The following DGKB variants were observed in gnomAD, a reference collection of about 807,000 sequenced individuals.
The protein encoded by DGKB is 90 kDa diacylglycerol kinase.
In DGKB, 67 loss-of-function variants were observed where a neutral mutation model predicts 114.3. The observed-to-expected ratio is 0.59, with a 90% confidence interval of 0.48 to 0.72. The LOEUF is 0.72. Among genes scored for constraint, DGKB ranks in the 30% least tolerant of loss-of-function variants. The pLI is 0.00. For synonymous variants in DGKB, 398 were observed against 323.1 expected, an observed-to-expected ratio of 1.23 and a Z score of -2.49; for missense variants, 907 against 975.2, an observed-to-expected ratio of 0.93 and a Z score of 0.93.
intron 21 of DGKB, among the ~76,000 whole-genome samples, chr7:14,396,431 T>A (rs148776085): frequency 3.3e-5 from 5 of 152,232 alleles, no homozygotes; most frequent in African/African-American, 1.2e-4. Flanking sequence ...TGGCTTACCA[T>A]CAGGGACTCC....
chr7:14,740,075 C>G (rs1832352265), intron 4 of DGKB, among the ~76,000 whole-genome samples: 1 of 152,204 alleles, frequency 6.6e-6, no homozygotes, highest in Non-Finnish European at 1.5e-5. Context: ...GGCTAGAGGC[C>G]CCGTGCAGAC....
intron 13 of DGKB, among the ~76,000 whole-genome samples, chr7:14,637,325 T>C (rs1042634205): frequency 6.6e-6 from 1 of 151,902 alleles, no homozygotes; most frequent in African/African-American, 2.4e-5. Context: ...TTATAAAACA[T>C]AGTTCTGGTA....
At chr7:14,498,544 G>T (rs1193501425) in intron 20 of DGKB, among the ~76,000 whole-genome samples, 4 of 151,698 alleles carry the variant, frequency 2.6e-5, no homozygotes, top group Non-Finnish European at 5.9e-5. Context: ...GAATTAAAAT[G>T]CAGGCATCCT....
At chr7:14,841,166 A>G (rs371260270) in intron 2 of DGKB, 28 bp downstream of exon 2, 396 of 1,565,520 alleles carry the variant, frequency 2.5e-4, no homozygotes, top group Non-Finnish European at 3.4e-4. Flanking sequence ...ATGTCAAATA[A>G]TCTCATAATA....
At chr7:14,578,017 C>G (rs1034849488) in intron 19 of DGKB, among the ~76,000 whole-genome samples, 3 of 152,156 alleles carry the variant, frequency 2.0e-5, no homozygotes, top group Non-Finnish European at 4.4e-5. Context: ...ATAATCCCCA[C>G]GTGTCAAGGG....
chr7:14,180,947 G>A (rs559481108), intron 23 of DGKB, among the ~76,000 whole-genome samples: 244 of 152,218 alleles, frequency 1.6e-3, no homozygotes, highest in African/African-American at 5.8e-3. Context: ...CTGGCTGCTG[G>A]CTTCATATTT....
intron 20 of DGKB, among the ~76,000 whole-genome samples, chr7:14,520,983 T>A (rs780882701): frequency 9.9e-5 from 15 of 152,106 alleles, no homozygotes; most frequent in African/African-American, 1.4e-4. Context: ...ACTATTCCTA[T>A]ATGAGAGGGG....
intron 23 of DGKB, among the ~76,000 whole-genome samples, chr7:14,183,181 G>T (rs1703182525): frequency 6.6e-6 from 1 of 152,148 alleles, no homozygotes; most frequent in Non-Finnish European, 1.5e-5. Flanking sequence ...TATGAAACAT[G>T]TCTGAGGACC....
chr7:14,185,793 G>T (rs981658930), intron 23 of DGKB, among the ~76,000 whole-genome samples: 1 of 152,160 alleles, frequency 6.6e-6, no homozygotes, highest in African/African-American at 2.4e-5. Context: ...AACAAATGGT[G>T]CTGGGATAAT....
At chr7:14,203,821 T>C (rs534923590) in intron 23 of DGKB, among the ~76,000 whole-genome samples, 3 of 152,094 alleles carry the variant, frequency 2.0e-5, no homozygotes, top group East Asian at 3.9e-4. Context: ...TTGGTGACCA[T>C]TGGAAGGATG....
intron 23 of DGKB, among the ~76,000 whole-genome samples, chr7:14,259,397 C>A (rs902420052): frequency 2.0e-5 from 2 of 98,488 alleles, no homozygotes; most frequent in African/African-American, 3.7e-5. Flanking sequence ...CTCTCTCTCT[C>A]TCTCTCTCTC....
intron 20 of DGKB, among the ~76,000 whole-genome samples, chr7:14,523,106 G>C (rs1790047730): frequency 6.6e-6 from 1 of 152,124 alleles, no homozygotes; most frequent in Non-Finnish European, 1.5e-5. Context: ...ATAACAGGAA[G>C]CTGTGAACCA....
intron 2 of DGKB, among the ~76,000 whole-genome samples, chr7:14,813,340 A>G (rs1052803390): frequency 3.9e-5 from 6 of 152,338 alleles, no homozygotes; most frequent in Admixed American, 6.5e-5. Context: ...TAGTATACCT[A>G]TGAGGATTGC....
At chr7:14,597,739 G>C (rs1047403798) in intron 17 of DGKB, among the ~76,000 whole-genome samples, 2 of 152,086 alleles carry the variant, frequency 1.3e-5, no homozygotes, top group Non-Finnish European at 2.9e-5. Flanking sequence ...AGTCACCTAA[G>C]ACTTGAGTCT....
chr7:14,257,700 G>A (rs1038228814), intron 23 of DGKB, among the ~76,000 whole-genome samples: 6 of 152,024 alleles, frequency 3.9e-5, no homozygotes, highest in East Asian at 1.9e-4. Context: ...CCACAGCCAC[G>A]TGGAACTATG....
intron 23 of DGKB, among the ~76,000 whole-genome samples, chr7:14,283,729 T>G (rs968884561): frequency 6.6e-6 from 1 of 152,184 alleles, no homozygotes; most frequent in Non-Finnish European, 1.5e-5. Flanking sequence ...AACTATCTGA[T>G]GTTTGACAAA....
At chr7:14,448,461 G>C (rs1831028000) in intron 21 of DGKB, among the ~76,000 whole-genome samples, 1 of 152,026 alleles carries the variant, frequency 6.6e-6, no homozygotes, top group African/African-American at 2.4e-5. Flanking sequence ...TCTGCCTGTA[G>C]TTTTGATAAG....
At chr7:14,258,139 C>A (rs113040512) in intron 23 of DGKB, among the ~76,000 whole-genome samples, 1 of 152,144 alleles carries the variant, frequency 6.6e-6, no homozygotes, top group Non-Finnish European at 1.5e-5. Context: ...AGAAAAATTT[C>A]TTCTAACTGT....
chr7:14,530,513 C>T (rs1445796493), intron 20 of DGKB, among the ~76,000 whole-genome samples: 1 of 151,368 alleles, frequency 6.6e-6, no homozygotes, highest in East Asian at 1.9e-4. Context: ...AAATTTATAC[C>T]TCCTTTATAA....
Sources: gnomAD v4.1 joint callset for allele counts (sites outside exome capture counted in the v4.1 genomes callset) on GRCh38, gnomAD v4.1.1 for gene constraint, MANE v1.5 for transcripts, NCBI Gene and HGNC (gene_info 2026-07-23, HGNC 2026-07-21) for gene names.